The following PLXNC1 variants were observed in gnomAD, a reference collection of about 807,000 sequenced individuals.
PLXNC1 encodes plexin C1, also known as plexin-C1.
Under a neutral mutation model 178.2 loss-of-function variants are expected in PLXNC1, and 75 were observed. The observed-to-expected ratio is 0.42, with a 90% CI of 0.35 to 0.51. The LOEUF (loss-of-function observed/expected upper bound fraction) is 0.51. Among genes scored for constraint, PLXNC1 ranks in the 20% least tolerant of loss-of-function variants. The pLI is 0.02. For missense variants in PLXNC1, 1,503 were observed against 1,984.4 expected (o/e 0.76, Z 4.61); for synonymous variants, 790 against 779.9 (o/e 1.01, Z -0.22).
Position 94,303,731 on chromosome 12 carries a change from GCTTTTT to G in PLXNC1, c.4387-24_4387-19del. 1 of 1,113,692 alleles carries G rather than the reference GCTTTTT, an allele frequency of 9.0e-7. No homozygotes were observed. The highest frequency in any genetic ancestry group is 1.2e-6 in the Non-Finnish European group (1 of 856,230). The allele number at this position is 1,113,692 out of a possible 1,614,324, so 69.0% of individuals were successfully genotyped here. ...TTTTTTTACTCTTTTGGTGATGGTT[GCTTTTT>G]TTTTTTTTTTTTCCCCAGGAAGCAC... is the stretch of plus-strand genomic sequence containing the variant. On this transcript the variant is annotated intron_variant, in intron 28 of 30. Transcript: ENST00000258526.
In PLXNC1 at chr12:94,282,232, A is replaced by T. The variant is rs1966491282; in HGVS notation, c.3776-66A>T. 12 of 1,066,412 alleles carry T rather than the reference A, an allele frequency of 1.1e-5. No individual in the cohort carries two copies. In the South Asian group the frequency reaches 1.6e-4, roughly 14 times the overall value. The allele number at this position is 1,066,412 out of a possible 1,614,324, so 66.1% of individuals were successfully genotyped here. ...TTTATTCAAGTTTTAGTTATCCATA[A>T]ATTTGTGAAAGTAAAGTGGTGGCAT... On this transcript the variant is annotated intron_variant, in intron 22 of 30. Transcript: ENST00000258526.
At position 94,298,899 on chromosome 12, in the gene PLXNC1, C is replaced by T. The variant is rs181492504; in HGVS notation, c.4238+104C>T. On this transcript the variant is annotated intron_variant, in intron 27 of 30. Coordinates refer to ENST00000258526, the MANE Select transcript of PLXNC1 (RefSeq NM_005761.3). ...TAGAAGGATTCATTTATCTCTATATCAGAATCTTTGGGCTTGGTAAGCTAT... is the reference window on the plus strand; with the variant it reads ...TAGAAGGATTCATTTATCTCTATATTAGAATCTTTGGGCTTGGTAAGCTAT... The T allele has an allele frequency of 2.2e-5, 25 of 1,127,914 alleles. No homozygotes were observed. The East Asian group carries it at 5.7e-4, about 26-fold the overall frequency. The allele number at this position is 1,127,914 out of a possible 1,614,324, so 69.9% of individuals were successfully genotyped here.
chr12:94,245,108 T>C (rs1273487712), intron 12 of PLXNC1, among the ~76,000 whole-genome samples: 1 of 152,194 alleles, frequency 6.6e-6, no homozygotes, highest in Non-Finnish European at 1.5e-5. Flanking sequence ...GCTGACACAG[T>C]TCAGAGCCAC....
chr12:94,280,800 T>C (rs1966383493), intron 22 of PLXNC1, among the ~76,000 whole-genome samples: 1 of 152,208 alleles, frequency 6.6e-6, no homozygotes, highest in African/African-American at 2.4e-5. Context: ...GTCCTGCCGC[T>C]GATGAGTAGG....
chr12:94,245,959 A>G (rs1592805688), intron 12 of PLXNC1, among the ~76,000 whole-genome samples: 2 of 152,222 alleles, frequency 1.3e-5, no homozygotes, highest in South Asian at 2.1e-4. Context: ...GACCGAGACA[A>G]TTAGTGACAA....
At chr12:94,195,178 A>C (rs1962868893) in intron 4 of PLXNC1, among the ~76,000 whole-genome samples, 1 of 152,136 alleles carries the variant, frequency 6.6e-6, no homozygotes, top group Non-Finnish European at 1.5e-5. Context: ...GAGGCCTTCC[A>C]GCGCCATATT....
intron 4 of PLXNC1, among the ~76,000 whole-genome samples, chr12:94,196,107 G>A (rs947545679): frequency 1.1e-4 from 17 of 152,170 alleles, no homozygotes; most frequent in African/African-American, 4.1e-4. Context: ...ATGGTGCACA[G>A]TAATTTATGG....
chr12:94,255,239 T>G lies in PLXNC1; in HGVS notation c.3030T>G (p.Phe1010Leu), dbSNP rs1964807134. The G allele has an allele frequency of 6.2e-7, 1 of 1,614,060 alleles. No individual in the cohort carries two copies. The highest frequency in any genetic ancestry group is 1.7e-5 in the Admixed American group (1 of 60,008). The change falls in exon 17 of 31, where the codon TTT becomes TTG. Residue 1010 changes from phenylalanine (F) to leucine (L), a missense_variant. By Grantham distance (22) the Phe-to-Leu change is conservative. This residue lies in a region of PLXNC1 where 639 missense variants were observed against 979.7 expected (regional missense o/e 0.65). Transcript: ENST00000258526. ...ATAAATTGGATGTGGTTGATAGTTTTGGAACTGTTCCCTTCCTTGACTACA... is the reference window on the plus strand; with the variant it reads ...ATAAATTGGATGTGGTTGATAGTTTGGGAACTGTTCCCTTCCTTGACTACA... Reference protein sequence around the residue: ...QMDKLDVVDSFGTVPFLDYKH... With the variant: ...QMDKLDVVDSLGTVPFLDYKH...
chr12:94,298,574 T>C (rs982664125), intron 26 of PLXNC1, 58 bp from the exon 27 acceptor site: 4 of 1,397,398 alleles, frequency 2.9e-6, no homozygotes, highest in Non-Finnish European at 3.9e-6. Context: ...GCTATTATGT[T>C]TTCAAAACCA....
intron 21 of PLXNC1, 56 bp downstream of exon 21, chr12:94,265,281 A>AT: frequency 2.0e-6 from 3 of 1,522,916 alleles, no homozygotes; most frequent in South Asian, 2.3e-5. Context: ...GCGGGGAATT[A>AT]GAGGGTGAGG....
intron 17 of PLXNC1, among the ~76,000 whole-genome samples, chr12:94,255,593 G>A (rs1431147031): frequency 6.6e-6 from 1 of 152,212 alleles, no homozygotes; most frequent in Non-Finnish European, 1.5e-5. Flanking sequence ...AGAACTGAAT[G>A]TGTAGCTGGG....
chr12:94,215,724 A>G (rs1220659634), intron 5 of PLXNC1, among the ~76,000 whole-genome samples: 1 of 152,182 alleles, frequency 6.6e-6, no homozygotes, highest in Non-Finnish European at 1.5e-5. Context: ...AACAAAAATT[A>G]TTTCATAAAA....
At chr12:94,226,804 A>G in intron 8 of PLXNC1, 97 bp downstream of exon 8, 1 of 862,592 alleles carries the variant, frequency 1.2e-6, no homozygotes, top group Non-Finnish European at 2.0e-6. Flanking sequence ...CGGGTGGATC[A>G]ATTGAGGTCA....
chr12:94,263,085 A>G (rs757593940), intron 20 of PLXNC1, among the ~76,000 whole-genome samples: 7 of 152,072 alleles, frequency 4.6e-5, no homozygotes, highest in Admixed American at 6.5e-5. Flanking sequence ...GGGGAGGGGA[A>G]TCACGTACGC....
intron 9 of PLXNC1, among the ~76,000 whole-genome samples, chr12:94,228,894 C>A (rs972062575): frequency 1.3e-5 from 2 of 152,180 alleles, no homozygotes; most frequent in African/African-American, 2.4e-5. Context: ...CGAGACCCTG[C>A]TCTCAGTTCT....
In PLXNC1 at chr12:94,206,668, C is replaced by T. The variant is rs537022913; in HGVS notation, c.1440-2922C>T. ...GGAGTCTGAGGACTTTGGGATAGAT[C>T]CTCAGTAGAGGATGGAGCAAAAGTA... is the stretch of plus-strand genomic sequence containing the variant. On this transcript the variant is annotated intron_variant, in intron 4 of 30. Coordinates refer to ENST00000258526, the MANE Select transcript of PLXNC1 (RefSeq NM_005761.3). Among the ~76,000 whole-genome samples the T allele has an allele frequency of 5.9e-5, 9 of 152,224 alleles. No individual in the cohort carries two copies. In the East Asian group the frequency reaches 1.7e-3, roughly 29 times the overall value.
At chr12:94,224,343 T>C (rs751117217) in intron 7 of PLXNC1, 28 bp downstream of exon 7, 15 of 1,137,470 alleles carry the variant, frequency 1.3e-5, no homozygotes, top group Admixed American at 6.7e-5. Flanking sequence ...ATTTGAATAT[T>C]CTCTCGTTGA....
chr12:94,258,026 A>C (rs1347303705), intron 17 of PLXNC1, among the ~76,000 whole-genome samples: 2 of 151,914 alleles, frequency 1.3e-5, no homozygotes, highest in Non-Finnish European at 2.9e-5. Context: ...TCCGTCTCAA[A>C]AAAAAATAAA....
chr12:94,200,909 C>T lies in PLXNC1; in HGVS notation c.1440-8681C>T, dbSNP rs774917778. 1.1e-4 allele frequency among the ~76,000 whole-genome samples: 17 copies of T among 152,178 alleles called. 2 individuals carry two copies. Among genetic ancestry groups the T allele is most frequent in the Admixed American group, 9.8e-4 (15 of 15,278 alleles). On this transcript the variant is annotated intron_variant, in intron 4 of 30. Coordinates refer to ENST00000258526, the MANE Select transcript of PLXNC1 (RefSeq NM_005761.3). ...CAAGACAAAGGCTGTTTTTCCACCA[C>T]GCCAGTGAACAGGCCAACCTAGTGA...
Sources: allele counts gnomAD v4.1 joint callset (sites outside exome capture counted in the v4.1 genomes callset), GRCh38; gene constraint gnomAD v4.1.1; regional missense constraint gnomAD v4.1.1; transcripts MANE v1.5; gene names NCBI Gene and HGNC (gene_info 2026-07-23, HGNC 2026-07-21).